The following PELP1 variants were observed in gnomAD, a reference collection of about 807,000 sequenced individuals.
The protein encoded by PELP1 is proline, glutamate and leucine rich protein 1, also known as proline-, glutamic acid- and leucine-rich protein 1.
A neutral mutation model predicts 95.5 loss-of-function variants in PELP1; 32 were observed. That is an observed-to-expected ratio of 0.34 (90% CI 0.25 to 0.45). The LOEUF (loss-of-function observed/expected upper bound fraction) is 0.45, where lower values mean the gene tolerates loss of function less well. PELP1 is among the 20% of genes least tolerant of loss of function. The pLI, the probability that PELP1 is intolerant of heterozygous loss-of-function variation, is 1.00. For synonymous variants in PELP1, 668 were observed against 600.1 expected, an observed-to-expected ratio of 1.11 and a Z score of -1.65; for missense variants, 1,358 against 1,444.8, an observed-to-expected ratio of 0.94 and a Z score of 0.97.
At chr17:4,693,700 T>C (rs1044225702) in intron 1 of PELP1, among the ~76,000 whole-genome samples, 1 of 152,206 alleles carries the variant, frequency 6.6e-6, no homozygotes, top group African/African-American at 2.4e-5. Flanking sequence ...CATGTCCGAT[T>C]CACGTCCCAG....
At position 4,672,362 on chromosome 17, in the gene PELP1, C is replaced by A; in HGVS notation, c.2629G>T (p.Asp877Tyr). 6.4e-7 allele frequency: 1 copy of A among 1,553,678 alleles called. No homozygotes were observed. Among genetic ancestry groups the A allele is most frequent in the Non-Finnish European group, 8.7e-7 (1 of 1,148,098 alleles). ...CTGTTGATATTAATAACTGTCAAATCCTCTTCCAGGGCTGGGGGTCCTCCC... is the reference window on the plus strand; with the variant it reads ...CTGTTGATATTAATAACTGTCAAATACTCTTCCAGGGCTGGGGGTCCTCCC... The part of the protein sequence containing the change: ...GGGGPPALEE[D>Y]LTVININSSD... Residue 877 changes from aspartate (D) to tyrosine (Y), a missense_variant, in exon 16 of 17, where the codon GAT becomes TAT. Transcript: ENST00000572293.
chr17:4,682,608 C>T (rs771072576), intron 4 of PELP1, 35 bp from the exon 5 acceptor site: 47 of 1,554,460 alleles, frequency 3.0e-5, no homozygotes, highest in Non-Finnish European at 3.6e-5. Flanking sequence ...CGAGAGGCTG[C>T]GAGCACCATG....
At position 4,682,974 on chromosome 17, in the gene PELP1, C is replaced by T. The variant is rs1199476337; in HGVS notation, c.421-22G>A. 8.2e-6 allele frequency: 12 copies of T among 1,456,908 alleles called. No individual in the cohort carries two copies. In the Admixed American group the frequency reaches 1.7e-4, roughly 20 times the overall value. 90.2% of individuals were successfully genotyped at this position (1,456,908 alleles called of 1,614,324 possible). On this transcript the variant is annotated intron_variant, in intron 3 of 16. Transcript: ENST00000572293. ...GGGTCTAAAGAAAAAAATAATGTCT[C>T]GTGCTTCCAGCCTCACCTTGATTGT...
intron 3 of PELP1, among the ~76,000 whole-genome samples, chr17:4,683,419 A>C (rs1208066087): frequency 1.3e-5 from 2 of 151,104 alleles, no homozygotes; most frequent in Non-Finnish European, 2.9e-5. Flanking sequence ...ACGGGGTTTC[A>C]CTATGTTAGC....
At position 4,671,725 on chromosome 17, in the gene PELP1, T is replaced by A. The variant is rs1171887326; in HGVS notation, c.3266A>T (p.Glu1089Val). The stretch of plus-strand genomic sequence containing the variant: ...GAGAGCTTCGGCCTCTGTCTCTGTC[T>A]CCATCTCTTCTTCTGCAGGTGTCTC... Reference protein sequence around the residue: ...PPETPAEEEMETETEAEALQE... With the variant: ...PPETPAEEEMVTETEAEALQE... Residue 1089 changes from glutamate (E) to valine (V), a missense_variant, in exon 16 of 17, where the codon GAG (glutamate) becomes GTG (valine). Around this residue, in one of 7 missense-constraint regions of PELP1, gnomAD observed 283 missense variants for 284.1 expected, o/e 1.00. Transcript: ENST00000572293. 6.5e-7 allele frequency: 1 copy of A among 1,540,934 alleles called. No homozygotes were observed. The highest frequency in any genetic ancestry group is 1.4e-5 in the African/African-American group (1 of 72,078).
rs1482818091 is a variant in PELP1, at chr17:4,676,504, C to T, written c.706G>A (p.Ala236Thr). Reference protein sequence around the residue: ...DALSPQLQQLACECYSRLPSL... With the variant: ...DALSPQLQQLTCECYSRLPSL... ...GGCAGCCGGGAATAACACTCACAGG[C>T]CAACTGCGGGAGAAAGGACAGAAAC... Residue 236 changes from alanine to threonine, a missense_variant, in exon 7 of 17, where the codon GCC becomes ACC. By Grantham distance (58) the Ala-to-Thr change is moderately conservative. Transcript: ENST00000572293. 6.2e-7 allele frequency: 1 copy of T among 1,613,480 alleles called. No homozygotes were observed. The highest frequency in any genetic ancestry group is 8.5e-7 in the Non-Finnish European group (1 of 1,179,788).
At chr17:4,695,727 C>T (rs985270770) in intron 1 of PELP1, among the ~76,000 whole-genome samples, 99 of 150,590 alleles carry the variant, frequency 6.6e-4, no homozygotes, top group African/African-American at 2.4e-3. Flanking sequence ...GCCTGTAATC[C>T]CAGCACTTGG....
At chr17:4,691,591 G>C (rs1426998924) in intron 1 of PELP1, 149 bp from the exon 2 acceptor site, 1 of 647,706 alleles carries the variant, frequency 1.5e-6, no homozygotes, top group South Asian at 1.9e-5. Flanking sequence ...TAGAAGCCTT[G>C]AGCTTTTCCC....
At position 4,672,723 on chromosome 17, in the gene PELP1, A is replaced by C. The variant is rs1188883816; in HGVS notation, c.2268T>G (p.Phe756Leu). 1 of 1,613,378 alleles carries C rather than the reference A, an allele frequency of 6.2e-7. No homozygotes were observed. The highest frequency in any genetic ancestry group is 2.2e-5 in the East Asian group (1 of 44,876). Residue 756 changes from phenylalanine (F) to leucine (L), a missense_variant, in exon 16 of 17, where the codon TTT (phenylalanine) becomes TTG (leucine). Transcript: ENST00000572293. ...PPPTIPPDET[F>L]GGRVPRPAFV... Reference sequence around the variant, plus strand: ...AGGCTGGTCTGGGCACTCTCCCCCCAAAAGTTTCATCTGGGGGTATAGTAG... The same window carrying C: ...AGGCTGGTCTGGGCACTCTCCCCCCCAAAGTTTCATCTGGGGGTATAGTAG...
intron 3 of PELP1, among the ~76,000 whole-genome samples, chr17:4,688,732 T>G (rs1912994300): frequency 6.6e-6 from 1 of 152,220 alleles, no homozygotes; most frequent in Admixed American, 6.5e-5. Context: ...TCCATGTTCA[T>G]GGATAGGTAC....
chr17:4,673,250 C>T lies in PELP1; in HGVS notation c.1845G>A (p.Glu615=), dbSNP rs2150552953. ...GAGGGGCTTGGCCCATCACAGTTAC[C>T]TCAAGGCTATCTTCTCGCTGGCCGA... ...FSLGQREDSL[E]VSSFCSEALV... is the part of the protein sequence containing the mutation. Residue 615 remains glutamate (E), a splice_region_variant and synonymous_variant, in exon 15 of 17, where the codon GAG becomes GAA. Coordinates refer to ENST00000572293, the MANE Select transcript of PELP1 (RefSeq NM_014389.3). This position sits in a 1 kb window ranked among gnomAD's most constrained non-coding sequence, Gnocchi z 5.7. 1 of 1,568,242 alleles carries T rather than the reference C, an allele frequency of 6.4e-7. No homozygotes were observed.
At chr17:4,681,149 G>C (rs1217954911) in intron 5 of PELP1, among the ~76,000 whole-genome samples, 2 of 152,206 alleles carry the variant, frequency 1.3e-5, no homozygotes, top group Non-Finnish European at 2.9e-5. Flanking sequence ...GAAGTGATAT[G>C]TCAGAAAGCA....
intron 3 of PELP1, among the ~76,000 whole-genome samples, chr17:4,690,351 A>C (rs140780738): frequency 6.6e-5 from 10 of 152,236 alleles, no homozygotes; most frequent in African/African-American, 2.2e-4. Flanking sequence ...TGGGTGCACC[A>C]ACATCTCAGA....
intron 1 of PELP1, among the ~76,000 whole-genome samples, chr17:4,692,096 T>C (rs1475562195): frequency 6.6e-6 from 1 of 152,124 alleles, no homozygotes; most frequent in Non-Finnish European, 1.5e-5. Flanking sequence ...TGAGGTTACG[T>C]GAAGGAATAC....
At chr17:4,703,671 C>T (rs1018004628) in intron 1 of PELP1, among the ~76,000 whole-genome samples, 192 bp downstream of exon 1, 1 of 152,174 alleles carries the variant, frequency 6.6e-6, no homozygotes, top group African/African-American at 2.4e-5. Context: ...CCCATTTTTC[C>T]CCTGGAGAAA....
chr17:4,701,427 A>T (rs1913531165), intron 1 of PELP1, among the ~76,000 whole-genome samples: 1 of 152,196 alleles, frequency 6.6e-6, no homozygotes, highest in Non-Finnish European at 1.5e-5. Flanking sequence ...TAAAAGCTGC[A>T]AACAGGATCA....
intron 5 of PELP1, among the ~76,000 whole-genome samples, chr17:4,678,120 A>G (rs1380952322): frequency 1.3e-5 from 2 of 151,930 alleles, no homozygotes; most frequent in Admixed American, 6.6e-5. Context: ...AGGCTGAGGC[A>G]GGAGAATTGC....
chr17:4,686,343 G>C (rs1032973164), intron 3 of PELP1, among the ~76,000 whole-genome samples: 14 of 152,094 alleles, frequency 9.2e-5, no homozygotes, highest in Admixed American at 3.9e-4. Context: ...CTGCCACTCT[G>C]ACACTAAATC....
At chr17:4,671,601 G>A in intron 16 of PELP1, 70 bp from the exon 17 acceptor site, 1 of 1,605,488 alleles carries the variant, frequency 6.2e-7, no homozygotes. Flanking sequence ...TTCAGGCTGG[G>A]CAAACCTCTC....
Sources: gnomAD v4.1 joint callset for allele counts (sites outside exome capture counted in the v4.1 genomes callset) on GRCh38, gnomAD v4.1.1 for gene constraint, gnomAD v4.1.1 regional missense constraint, Gnocchi (gnomAD v3.1) non-coding constraint, MANE v1.5 for transcripts, NCBI Gene and HGNC (gene_info 2026-07-23, HGNC 2026-07-21) for gene names.